The following UBR3 variants were observed in gnomAD, a reference collection of about 807,000 sequenced individuals.
UBR3 encodes the protein ubiquitin protein ligase E3 component n-recognin 3.
In UBR3, 85 loss-of-function variants were observed where a neutral mutation model predicts 243.2. The ratio of observed to expected loss-of-function variants is 0.35; its 90% CI spans 0.29 to 0.42. UBR3 has a LOEUF of 0.42. UBR3 is among the 10% of genes least tolerant of loss of function. UBR3 has a pLI of 1.00. For missense variants in UBR3, 1,686 were observed against 2,300.8 expected (o/e 0.73, Z 5.47); for synonymous variants, 748 against 799.8 (o/e 0.94, Z 1.09).
chr2:170,059,512 C>G (rs182622552), intron 33 of UBR3, among the ~76,000 whole-genome samples: 25 of 152,222 alleles, frequency 1.6e-4, no homozygotes, highest in African/African-American at 5.8e-4. Context: ...TGAACTCTGC[C>G]TATTTAAGAG....
chr2:169,865,966 A>G (rs2083243384), intron 1 of UBR3, among the ~76,000 whole-genome samples: 1 of 152,024 alleles, frequency 6.6e-6, no homozygotes, highest in Non-Finnish European at 1.5e-5. Flanking sequence ...CCTGGCCAAC[A>G]TGGCGAAACC....
intron 5 of UBR3, among the ~76,000 whole-genome samples, chr2:169,880,185 A>G (rs1271361686): frequency 6.6e-6 from 1 of 152,204 alleles, no homozygotes; most frequent in Non-Finnish European, 1.5e-5. Flanking sequence ...ATCTGTAGCC[A>G]GTAGGAACTT....
chr2:169,890,553 A>ATATATATATATATGTG (rs2084309625), intron 5 of UBR3, among the ~76,000 whole-genome samples: 1 of 96,418 alleles, frequency 1.0e-5, no homozygotes, highest in African/African-American at 5.3e-5. Flanking sequence ...ATATATATAT[A>ATATATATATATATGTG]TATATATATA....
At chr2:169,843,246 T>C (rs963887054) in intron 1 of UBR3, among the ~76,000 whole-genome samples, 13 of 152,226 alleles carry the variant, frequency 8.5e-5, no homozygotes, top group African/African-American at 3.1e-4. Flanking sequence ...AGAAATTATT[T>C]CTTACAGTTT....
At chr2:170,070,207 A>C (rs986168538) in intron 35 of UBR3, among the ~76,000 whole-genome samples, 9 of 152,170 alleles carry the variant, frequency 5.9e-5, no homozygotes, top group African/African-American at 2.2e-4. Context: ...AACAAAAGTC[A>C]ATTAATTTAG....
chr2:169,926,524 G>A (rs1263833261), intron 14 of UBR3, among the ~76,000 whole-genome samples, 168 bp from the exon 15 acceptor site: 1 of 152,108 alleles, frequency 6.6e-6, no homozygotes, highest in East Asian at 1.9e-4. Context: ...GGGAGGCAGA[G>A]GTGGAGGTTG....
intron 2 of UBR3, 88 bp from the exon 3 acceptor site, chr2:169,875,703 A>G (rs2083581845): frequency 1.2e-5 from 14 of 1,174,532 alleles, no homozygotes; most frequent in South Asian, 2.1e-5. Context: ...AAGCCATTAT[A>G]ATTTTAAAAG....
chr2:169,986,065 T>C (rs1325808483), intron 24 of UBR3, among the ~76,000 whole-genome samples: 1 of 152,238 alleles, frequency 6.6e-6, no homozygotes, highest in Non-Finnish European at 1.5e-5. Context: ...AGAGGATTAC[T>C]GCTATTTTTG....
intron 32 of UBR3, among the ~76,000 whole-genome samples, chr2:170,044,247 G>T (rs73975026): frequency 0.022 from 3,316 of 152,266 alleles, 114 homozygotes; most frequent in African/African-American, 0.075. Flanking sequence ...GTTATTAGAA[G>T]AGAAAAGCAG....
At position 169,878,587 on chromosome 2, in the gene UBR3, G is replaced by A. The variant is rs1345445469; in HGVS notation, c.1038+13G>A. The A allele has an allele frequency of 1.3e-6, 2 of 1,546,900 alleles. No individual in the cohort carries two copies. The highest frequency in any genetic ancestry group is 1.4e-5 in the African/African-American group (1 of 72,910). On this transcript the variant is annotated intron_variant, in intron 5 of 38. Coordinates refer to ENST00000272793, the MANE Select transcript of UBR3 (RefSeq NM_172070.4). ...TTCTTCAGATGAGGTGAGATTTAAA[G>A]TTCAAAACTTTTTAAAAAGTACAAT...
chr2:169,935,881 T>C lies in UBR3; in HGVS notation c.2663+2873T>C, dbSNP rs188917354. Among the ~76,000 whole-genome samples the C allele has an allele frequency of 5.1e-3, 771 of 152,318 alleles. 4 individuals carry two copies. Among genetic ancestry groups the C allele is most frequent in the African/African-American group, 0.018 (749 of 41,572 alleles). On this transcript the variant is annotated intron_variant, in intron 19 of 38. Coordinates refer to ENST00000272793, the MANE Select transcript of UBR3 (RefSeq NM_172070.4). ...AATTTATTAATCTAGGTGCCACATATTTAGTGGCTACTGCTTAAAGCAAAC... is the reference window on the plus strand; with the variant it reads ...AATTTATTAATCTAGGTGCCACATACTTAGTGGCTACTGCTTAAAGCAAAC...
rs147810028 is a variant in UBR3 at position 169,837,691 on chromosome 2, C to T, written c.545+9639C>T. On this transcript the variant is annotated intron_variant, in intron 1 of 38. Transcript: ENST00000272793. ...CATCTCGTGAGAACTCACTCACTATCATGAGAACAACATAGGGCAAACCAT... is the reference window on the plus strand; with the variant it reads ...CATCTCGTGAGAACTCACTCACTATTATGAGAACAACATAGGGCAAACCAT... 4.8e-3 allele frequency among the ~76,000 whole-genome samples: 735 copies of T among 152,278 alleles called. 4 individuals carry two copies. Among genetic ancestry groups the T allele is most frequent in the African/African-American group, 0.016 (664 of 41,544 alleles).
intron 30 of UBR3, among the ~76,000 whole-genome samples, chr2:170,024,696 G>C (rs907903267): frequency 2.6e-5 from 4 of 152,026 alleles, no homozygotes; most frequent in African/African-American, 9.7e-5. Flanking sequence ...TTTGGTTCTA[G>C]CTAGGAGTAC....
chr2:169,891,300 T>C, intron 6 of UBR3, 69 bp downstream of exon 6: 1 of 1,195,300 alleles, frequency 8.4e-7, no homozygotes, highest in Non-Finnish European at 1.2e-6. Context: ...TCACTAAAAA[T>C]ACTTGATGGG....
intron 1 of UBR3, among the ~76,000 whole-genome samples, chr2:169,866,125 T>C: frequency 8.6e-6 from 1 of 115,776 alleles, no homozygotes; most frequent in East Asian, 2.9e-4. Context: ...CACTCCAGCC[T>C]GGGCAACAGA....
At position 169,942,487 on chromosome 2, in the gene UBR3, T is replaced by C; in HGVS notation, c.2664-6T>C. 1.3e-6 allele frequency: 2 copies of C among 1,534,094 alleles called. No individual in the cohort carries two copies. Among genetic ancestry groups the C allele is most frequent in the Non-Finnish European group, 1.7e-6 (2 of 1,143,020 alleles). On this transcript the variant is annotated splice_region_variant and splice_polypyrimidine_tract_variant and intron_variant, in intron 19 of 38. Coordinates refer to ENST00000272793, the MANE Select transcript of UBR3 (RefSeq NM_172070.4). ...ATCTAATTCTAGTTTTGTTTTATTT[T>C]TACAGTTTAAAACAGAGTGGAAAAT...
intron 1 of UBR3, among the ~76,000 whole-genome samples, chr2:169,839,378 AG>A (rs991543020): frequency 6.6e-6 from 1 of 152,136 alleles, no homozygotes; most frequent in Non-Finnish European, 1.5e-5. Flanking sequence ...AGAAAGGAGG[AG>A]GGGGATAAAG....
intron 18 of UBR3, among the ~76,000 whole-genome samples, chr2:169,932,353 C>T (rs2086167173): frequency 1.3e-5 from 2 of 152,144 alleles, no homozygotes; most frequent in African/African-American, 2.4e-5. Flanking sequence ...GCTGGGATTA[C>T]AGGCATGAGC....
At chr2:169,856,854 A>C (rs1440056668) in intron 1 of UBR3, among the ~76,000 whole-genome samples, 1 of 151,112 alleles carries the variant, frequency 6.6e-6, no homozygotes, top group Non-Finnish European at 1.5e-5. Context: ...GGGGAGGGGG[A>C]GCTATCCATT....
Sources: gnomAD v4.1 joint callset for allele counts (sites outside exome capture counted in the v4.1 genomes callset) on GRCh38, gnomAD v4.1.1 for gene constraint, MANE v1.5 for transcripts, NCBI Gene and HGNC (gene_info 2026-07-23, HGNC 2026-07-21) for gene names.